The following ADGRV1 variants were observed in gnomAD, a reference collection of about 807,000 sequenced individuals.
The protein encoded by ADGRV1 is adhesion G protein-coupled receptor V1.
A neutral mutation model predicts 596.2 loss-of-function variants in ADGRV1; 359 were observed. The ratio of observed to expected loss-of-function variants is 0.60; its 90% confidence interval spans 0.55 to 0.66. The LOEUF (loss-of-function observed/expected upper bound fraction) is 0.66. ADGRV1 is among the 30% of genes least tolerant of loss of function. ADGRV1 has a pLI of 0.00. For missense variants in ADGRV1, 7,274 were observed against 7,575.6 expected (o/e 0.96, Z 1.48); for synonymous variants, 2,681 against 2,679.2 (o/e 1.00, Z -0.02).
chr5:90,774,386 G>C, intron 60 of ADGRV1, 83 bp downstream of exon 60: 1 of 764,694 alleles, frequency 1.3e-6, no homozygotes, highest in Non-Finnish European at 2.3e-6. Flanking sequence ...TTACAAAAAT[G>C]GACAGGGTTA....
intron 85 of ADGRV1, among the ~76,000 whole-genome samples, chr5:91,016,723 AAAG>A: frequency 6.6e-6 from 1 of 151,956 alleles, no homozygotes; most frequent in Non-Finnish European, 1.5e-5. Flanking sequence ...TGACCAAAGA[AAAG>A]AAAGTCATTT....
intron 87 of ADGRV1, among the ~76,000 whole-genome samples, chr5:91,107,658 G>A (rs1333343337): frequency 1.3e-5 from 2 of 152,148 alleles, no homozygotes; most frequent in Admixed American, 1.3e-4. Context: ...TTTCTAGACA[G>A]AACAGAAATA....
chr5:90,991,089 GGAGT>G (rs1478320512), intron 85 of ADGRV1, among the ~76,000 whole-genome samples: 1 of 152,108 alleles, frequency 6.6e-6, no homozygotes, highest in African/African-American at 2.4e-5. Flanking sequence ...TAGAGTGATT[GGAGT>G]GAGTGTCAAA....
intron 85 of ADGRV1, among the ~76,000 whole-genome samples, chr5:90,994,217 G>A (rs1253421467): frequency 6.6e-6 from 1 of 151,468 alleles, no homozygotes; most frequent in East Asian, 1.9e-4. Context: ...CACCCACCAT[G>A]ACACCCAGCT....
intron 82 of ADGRV1, among the ~76,000 whole-genome samples, 187 bp from the exon 83 acceptor site, chr5:90,863,570 G>T (rs1488401147): frequency 2.0e-5 from 3 of 152,178 alleles, no homozygotes; most frequent in Non-Finnish European, 4.4e-5. Flanking sequence ...TAACTGGTAA[G>T]TGTAAAGATC....
chr5:90,802,727 G>C lies in ADGRV1; in HGVS notation c.14518-12G>C. 1 of 1,603,690 alleles carries C rather than the reference G, an allele frequency of 6.2e-7. No individual in the cohort carries two copies. The highest frequency in any genetic ancestry group is 8.5e-7 in the Non-Finnish European group (1 of 1,174,242). ...AAATTATTTCTAAATCACTGACACT[G>C]TTTGTTTATAGGTCTTCCTATCACT... On this transcript the variant is annotated splice_polypyrimidine_tract_variant and intron_variant, in intron 70 of 89. Transcript: ENST00000405460.
chr5:91,034,608 A>G (rs1352563092), intron 85 of ADGRV1, among the ~76,000 whole-genome samples: 1 of 152,082 alleles, frequency 6.6e-6, no homozygotes, highest in Non-Finnish European at 1.5e-5. Context: ...TGTGCTTCGA[A>G]TTTCTGCTTT....
chr5:90,726,236 TC>T (rs1423627846), intron 48 of ADGRV1, among the ~76,000 whole-genome samples: 1 of 152,194 alleles, frequency 6.6e-6, no homozygotes, highest in Non-Finnish European at 1.5e-5. Flanking sequence ...AGAGAAAGTG[TC>T]CCTTCTAAAA....
At chr5:90,908,952 T>A (rs1772583812) in intron 83 of ADGRV1, among the ~76,000 whole-genome samples, 1 of 152,076 alleles carries the variant, frequency 6.6e-6, no homozygotes, top group Admixed American at 6.6e-5. Context: ...GAAGTAGGAT[T>A]TTAGAGTGAT....
At chr5:90,819,956 A>G (rs1763310643) in intron 75 of ADGRV1, among the ~76,000 whole-genome samples, 2 of 150,748 alleles carry the variant, frequency 1.3e-5, no homozygotes, top group Admixed American at 6.6e-5. Context: ...GCTGAGTTCA[A>G]TTCCTGGGTA....
chr5:90,848,801 T>C lies in ADGRV1; in HGVS notation c.17184T>C (p.Thr5728=), dbSNP rs727503085. Residue 5728 remains threonine, a synonymous_variant, in exon 79 of 90, where the codon ACT becomes ACC. Coordinates refer to ENST00000405460, the MANE Select transcript of ADGRV1 (RefSeq NM_032119.4). ...NFAFSLLTNV[T]CGSPGEKSKT... is the part of the protein sequence containing the mutation. ...CCTTTTCTCTGCTGACTAATGTTAC[T>C]TGCGGCTCTCCTGGTGAAAAGTAAG... 9 of 1,584,524 alleles carry C rather than the reference T, an allele frequency of 5.7e-6. No individual in the cohort carries two copies. Among genetic ancestry groups the C allele is most frequent in the Non-Finnish European group, 7.7e-6 (9 of 1,169,750 alleles).
intron 70 of ADGRV1, among the ~76,000 whole-genome samples, chr5:90,798,301 AT>A (rs1418428589): frequency 1.2e-4 from 19 of 152,358 alleles, no homozygotes; most frequent in African/African-American, 4.3e-4. Flanking sequence ...AAACACCTCT[AT>A]GCAAATAAAC....
At chr5:90,946,156 C>T (rs759749119) in intron 83 of ADGRV1, among the ~76,000 whole-genome samples, 2 of 151,968 alleles carry the variant, frequency 1.3e-5, no homozygotes, top group Non-Finnish European at 1.5e-5. Context: ...GGGAAGAGCA[C>T]GTGCAAAGAA....
intron 77 of ADGRV1, 99 bp downstream of exon 77, chr5:90,829,285 G>A (rs1764333401): frequency 7.7e-6 from 8 of 1,037,074 alleles, no homozygotes; most frequent in South Asian, 3.0e-5. Context: ...TATTTTCTGA[G>A]GATAACATCG....
At chr5:91,161,682 C>T (rs919656399) in intron 89 of ADGRV1, among the ~76,000 whole-genome samples, 2 of 151,790 alleles carry the variant, frequency 1.3e-5, no homozygotes, top group African/African-American at 4.8e-5. Context: ...TGCTTTATGG[C>T]TTATGTATAC....
chr5:90,670,217 G>A (rs1772254146), intron 21 of ADGRV1, among the ~76,000 whole-genome samples: 1 of 152,166 alleles, frequency 6.6e-6, no homozygotes, highest in Non-Finnish European at 1.5e-5. Flanking sequence ...TGATACAGGA[G>A]GAAAGTCAAA....
chr5:90,616,000 T>C (rs1763320708), intron 2 of ADGRV1, among the ~76,000 whole-genome samples: 1 of 152,012 alleles, frequency 6.6e-6, no homozygotes, highest in African/African-American at 2.4e-5. Flanking sequence ...TATTTCGAAT[T>C]GTTAAACGAT....
chr5:90,924,593 T>C (rs1482381337), intron 83 of ADGRV1, among the ~76,000 whole-genome samples: 8 of 151,054 alleles, frequency 5.3e-5, no homozygotes, highest in Non-Finnish European at 8.9e-5. Flanking sequence ...GCCTGTTCAC[T>C]CTGATGGTAG....
chr5:90,681,577 G>C, intron 27 of ADGRV1, 123 bp downstream of exon 27: 1 of 895,002 alleles, frequency 1.1e-6, no homozygotes, highest in Non-Finnish European at 1.6e-6. Context: ...GAGCCTATTG[G>C]CACAGGCAAT....
Sources: allele counts gnomAD v4.1 joint callset (sites outside exome capture counted in the v4.1 genomes callset), GRCh38; gene constraint gnomAD v4.1.1; transcripts MANE v1.5; gene names NCBI Gene and HGNC (gene_info 2026-07-23, HGNC 2026-07-21).